The following C10orf90 variants were observed in gnomAD, a reference collection of about 807,000 sequenced individuals.
The protein encoded by C10orf90 is chromosome 10 open reading frame 90, also known as (E2-independent) E3 ubiquitin-conjugating enzyme FATS.
C10orf90 carries 56 observed loss-of-function variants against 62.5 expected under a neutral mutation model. The observed-to-expected ratio is 0.90, with a 90% CI of 0.72 to 1.12. C10orf90 has a LOEUF of 1.12. Among genes scored for constraint, C10orf90 ranks in the 50% most tolerant of loss-of-function variants. The pLI is 0.00. For synonymous variants in C10orf90, 386 were observed against 340.4 expected (o/e 1.13, Z -1.47); for missense variants, 970 against 880.4 (o/e 1.10, Z -1.29).
At chr10:126,519,941 A>T (rs1863647930) in intron 2 of C10orf90, among the ~76,000 whole-genome samples, 1 of 152,142 alleles carries the variant, frequency 6.6e-6, no homozygotes, top group East Asian at 1.9e-4. Context: ...AGTTGCCTCA[A>T]ACAGCTTTTG....
chr10:126,539,040 G>A (rs1309346345), intron 2 of C10orf90, among the ~76,000 whole-genome samples: 3 of 152,220 alleles, frequency 2.0e-5, no homozygotes, highest in Non-Finnish European at 2.9e-5. Context: ...CTTTGAAGTT[G>A]ATTAAACATC....
chr10:126,584,515 G>A (rs947461248), intron 2 of C10orf90, among the ~76,000 whole-genome samples: 3 of 152,090 alleles, frequency 2.0e-5, no homozygotes, highest in African/African-American at 7.2e-5. Context: ...TCTGCACTCT[G>A]GGGACTGGGA....
chr10:126,569,086 C>A (rs2134001347), intron 2 of C10orf90, among the ~76,000 whole-genome samples: 1 of 152,184 alleles, frequency 6.6e-6, no homozygotes, highest in South Asian at 2.1e-4. Context: ...GCAAGTCAGG[C>A]TCTTCAAGAA....
At chr10:126,507,883 A>G (rs906545514) in intron 3 of C10orf90, among the ~76,000 whole-genome samples, 1 of 152,154 alleles carries the variant, frequency 6.6e-6, no homozygotes, top group African/African-American at 2.4e-5. Flanking sequence ...TAGTTTACAC[A>G]TAAGAAAAAC....
Position 126,524,027 on chromosome 10 carries a change from G to A in C10orf90, c.314-10088C>T, listed in dbSNP as rs147941003. ...TACAAATAATGCTGCAATGAACATG[G>A]TTGTACAAACATGTATCCAAGTCTC... is the stretch of plus-strand genomic sequence containing the variant. On this transcript the variant is annotated intron_variant, in intron 2 of 9. Coordinates refer to ENST00000488181, the MANE Select transcript of C10orf90 (RefSeq NM_001350921.2). 1.7e-3 allele frequency among the ~76,000 whole-genome samples: 265 copies of A among 152,262 alleles called. 3 individuals carry two copies. Among genetic ancestry groups the A allele is most frequent in the South Asian group, 0.015 (72 of 4,818 alleles).
intron 1 of C10orf90, 51 bp downstream of exon 1, chr10:126,670,188 ATC>A (rs1431818797): frequency 6.7e-6 from 3 of 445,354 alleles, no homozygotes; most frequent in Non-Finnish European, 1.4e-5. Context: ...CAACACGTCC[ATC>A]TCTCTCTGAG....
At position 126,429,834 on chromosome 10, in the gene C10orf90, G is replaced by C; in HGVS notation, c.2205C>G (p.Pro735=). 1 of 1,613,924 alleles carries C rather than the reference G, an allele frequency of 6.2e-7. No individual in the cohort carries two copies. The highest frequency in any genetic ancestry group is 8.5e-7 in the Non-Finnish European group (1 of 1,179,858). ...CCTTCTCTGAAATGCACCGTTCTTT[G>C]GGTTTGAACAAGTTATCTGGAAAAA... ...PHPLSDNLFK[P]KERCISEKEM... Residue 735 remains proline (P), a synonymous_variant, in exon 8 of 10, where the codon CCC becomes CCG. Transcript: ENST00000488181.
intron 4 of C10orf90, among the ~76,000 whole-genome samples, chr10:126,467,411 C>T (rs1860354247): frequency 6.6e-6 from 1 of 152,230 alleles, no homozygotes. Context: ...GTGCTCTTCT[C>T]CTCCCATGCA....
intron 2 of C10orf90, among the ~76,000 whole-genome samples, chr10:126,548,292 C>T (rs182353795): frequency 3.3e-5 from 5 of 152,220 alleles, no homozygotes; most frequent in African/African-American, 1.2e-4. Context: ...CCTGTAATCC[C>T]AGGACTTTGG....
intron 4 of C10orf90, among the ~76,000 whole-genome samples, chr10:126,491,947 T>C (rs1861793406): frequency 6.6e-6 from 1 of 152,202 alleles, no homozygotes; most frequent in South Asian, 2.1e-4. Context: ...CAGAAGTCCT[T>C]TCTAAGCCTG....
intron 3 of C10orf90, among the ~76,000 whole-genome samples, chr10:126,509,721 G>A (rs1387707782): frequency 1.3e-5 from 2 of 152,154 alleles, no homozygotes; most frequent in African/African-American, 4.8e-5. Flanking sequence ...ATATTGAAAA[G>A]GAAACACTGG....
chr10:126,487,165 AAAAG>A (rs1452030712), intron 4 of C10orf90, among the ~76,000 whole-genome samples: 6 of 143,902 alleles, frequency 4.2e-5, no homozygotes, highest in Non-Finnish European at 7.8e-5. Flanking sequence ...AAAAAAAAAA[AAAAG>A]AAAGAAAGAA....
Position 126,453,223 on chromosome 10 carries a change from A to G in C10orf90, c.2188+5817T>C, listed in dbSNP as rs1450131462. On this transcript the variant is annotated intron_variant, in intron 7 of 9. Transcript: ENST00000488181. This position sits in a 1 kb window ranked among gnomAD's most constrained non-coding sequence, Gnocchi z 4.9. ...CACCTTGGGAAGTGCGGATAATGCA[A>G]TTTGGATGAATTCAGTCTGCTGTGC... Among the ~76,000 whole-genome samples, 1 of 152,184 alleles carries G rather than the reference A, an allele frequency of 6.6e-6. No homozygotes were observed. The highest frequency in any genetic ancestry group is 2.4e-5 in the African/African-American group (1 of 41,442).
intron 2 of C10orf90, among the ~76,000 whole-genome samples, chr10:126,545,539 TGC>T (rs938127194): frequency 1.3e-5 from 2 of 152,222 alleles, no homozygotes. Flanking sequence ...CTCTAGCCGT[TGC>T]CTACCATCCC....
intron 2 of C10orf90, among the ~76,000 whole-genome samples, chr10:126,556,645 G>A (rs751850330): frequency 1.9e-4 from 29 of 152,114 alleles, no homozygotes; most frequent in Non-Finnish European, 3.1e-4. Flanking sequence ...AGGTCCCCAC[G>A]GGAGAACAAA....
intron 2 of C10orf90, among the ~76,000 whole-genome samples, chr10:126,594,108 CTTT>C (rs5788794): frequency 2.0e-4 from 26 of 132,024 alleles, no homozygotes; most frequent in Non-Finnish European, 2.3e-4. Flanking sequence ...ACCAGGCTTG[CTTT>C]TTTTTTTTTT....
chr10:126,639,201 C>G (rs554199555), intron 2 of C10orf90, among the ~76,000 whole-genome samples: 2 of 152,278 alleles, frequency 1.3e-5, no homozygotes, highest in Non-Finnish European at 2.9e-5. Context: ...CTGTGGTAGG[C>G]TTGATCGGTG....
chr10:126,576,496 C>T (rs996303702), intron 2 of C10orf90, among the ~76,000 whole-genome samples: 4 of 151,430 alleles, frequency 2.6e-5, no homozygotes, highest in African/African-American at 7.3e-5. Flanking sequence ...CATAACACTT[C>T]GGAGAGCAAT....
At chr10:126,524,601 G>T (rs1863878078) in intron 2 of C10orf90, 1 of 982,010 alleles carries the variant, frequency 1.0e-6, no homozygotes. Context: ...AGCCTTAGTA[G>T]GACACAGCAT....
Sources: allele counts gnomAD v4.1 joint callset (sites outside exome capture counted in the v4.1 genomes callset), GRCh38; gene constraint gnomAD v4.1.1; non-coding constraint Gnocchi (gnomAD v3.1); transcripts MANE v1.5; gene names NCBI Gene and HGNC (gene_info 2026-07-23, HGNC 2026-07-21).